Variants in DCDC1 observed in about 807,000 individuals in gnomAD.
The protein encoded by DCDC1 is doublecortin domain-containing protein 1.
In DCDC1, 200 loss-of-function variants were observed where a neutral mutation model predicts 178.3. The observed-to-expected ratio is 1.12, with a 90% CI of 1.00 to 1.26. The LOEUF (loss-of-function observed/expected upper bound fraction) is 1.26, where lower values mean the gene tolerates loss of function less well. DCDC1 is among the 50% of genes most tolerant of loss of function. The probability of loss-of-function intolerance (pLI) is 0.00; values close to 1 mark genes in which losing one functional copy is unlikely to be tolerated. For missense variants in DCDC1, 1,983 were observed against 1,749.2 expected (o/e 1.13, Z -2.38); for synonymous variants, 690 against 604.8 (o/e 1.14, Z -2.07).
At chr11:31,074,255 A>T (rs956844839) in intron 18 of DCDC1, among the ~76,000 whole-genome samples, 3 of 152,132 alleles carry the variant, frequency 2.0e-5, no homozygotes, top group East Asian at 1.9e-4. Context: ...TTCACTGTAA[A>T]CTGACTTTGG....
intron 20 of DCDC1, among the ~76,000 whole-genome samples, chr11:31,015,152 T>G: frequency 6.6e-6 from 1 of 151,960 alleles, no homozygotes; most frequent in East Asian, 1.9e-4. Context: ...GTTTCACCGG[T>G]TTAGCCAGGG....
intron 9 of DCDC1, among the ~76,000 whole-genome samples, chr11:31,180,265 C>T (rs562873618): frequency 1.3e-5 from 2 of 152,170 alleles, no homozygotes; most frequent in East Asian, 3.9e-4. Flanking sequence ...TTGTATATTA[C>T]AAAATAGCTA....
intron 16 of DCDC1, among the ~76,000 whole-genome samples, chr11:31,093,193 T>C (rs1030369712): frequency 6.6e-6 from 1 of 152,210 alleles, no homozygotes; most frequent in African/African-American, 2.4e-5. Context: ...TGCTGTGATA[T>C]ATGAAATAAA....
rs554528668 is a variant in DCDC1 at position 31,262,332 on chromosome 11, C to T, written c.1054+3175G>A. 2.0e-5 allele frequency among the ~76,000 whole-genome samples: 3 copies of T among 151,910 alleles called. No individual in the cohort carries two copies. In the South Asian group the frequency reaches 6.2e-4, roughly 32 times the overall value. On this transcript the variant is annotated intron_variant, in intron 8 of 38. Coordinates refer to ENST00000684477, the MANE Select transcript of DCDC1 (RefSeq NM_001387274.1). ...TCTAAAAATAAGCAATTTGCCAATC[C>T]TGTTGGTCTTTTCAAAGGTTTACTT...
chr11:31,278,663 T>A (rs1045867221), intron 7 of DCDC1, among the ~76,000 whole-genome samples: 6 of 152,166 alleles, frequency 3.9e-5, no homozygotes, highest in African/African-American at 1.4e-4. Context: ...AAGCAGATTT[T>A]ATGTATTTTT....
intron 8 of DCDC1, among the ~76,000 whole-genome samples, chr11:31,258,803 T>C (rs1469714208): frequency 2.6e-5 from 4 of 152,070 alleles, no homozygotes; most frequent in African/African-American, 7.2e-5. Context: ...AATAATTCCA[T>C]AGACAGAAGC....
rs528526055 is a variant in DCDC1 at position 31,305,206 on chromosome 11, A to T, written c.754+409T>A. 7.9e-5 allele frequency among the ~76,000 whole-genome samples: 12 copies of T among 152,296 alleles called. No individual in the cohort carries two copies. In the South Asian group the frequency reaches 2.1e-3, roughly 26 times the overall value. On this transcript the variant is annotated intron_variant, in intron 6 of 38. Coordinates refer to ENST00000684477, the MANE Select transcript of DCDC1 (RefSeq NM_001387274.1). ...TTCATAATTATGTTGATACTATCTG[A>T]AAAAAGACCAAGAGTGTAAATGAAT... is the stretch of plus-strand genomic sequence containing the variant.
At chr11:31,004,284 C>T (rs1951723081) in intron 20 of DCDC1, among the ~76,000 whole-genome samples, 1 of 151,950 alleles carries the variant, frequency 6.6e-6, no homozygotes, top group Non-Finnish European at 1.5e-5. Flanking sequence ...AATTTATGTT[C>T]AATGTATAGG....
At chr11:31,217,642 TG>T (rs1194901594) in intron 9 of DCDC1, among the ~76,000 whole-genome samples, 1 of 152,184 alleles carries the variant, frequency 6.6e-6, no homozygotes, top group Non-Finnish European at 1.5e-5. Context: ...GAAACTATTC[TG>T]TTTCAGGCAA....
Position 30,906,624 on chromosome 11 carries a change from T to C in DCDC1, c.4020A>G (p.Pro1340=), listed in dbSNP as rs1360914468. The change falls in exon 30 of 39, where the codon CCA becomes CCG. Residue 1340 remains proline (P), a synonymous_variant. Transcript: ENST00000684477. ...CTGAAATACAGAGGAATGGAACCCC[T>C]GGAAGCAATTGTTTCAGTCCTTTCT... is the stretch of plus-strand genomic sequence containing the variant. ...RTEKGLKQLL[P]GVPFLCISGT... The C allele has an allele frequency of 1.9e-6, 3 of 1,613,580 alleles. No individual in the cohort carries two copies. The highest frequency in any genetic ancestry group is 2.5e-6 in the Non-Finnish European group (3 of 1,179,714).
intron 6 of DCDC1, among the ~76,000 whole-genome samples, chr11:31,296,194 G>A (rs1367953147): frequency 1.3e-5 from 2 of 152,158 alleles, no homozygotes; most frequent in Non-Finnish European, 2.9e-5. Context: ...CAAGGAATAT[G>A]AAAAAAGACA....
chr11:30,962,063 A>T (rs1340737687), intron 20 of DCDC1, among the ~76,000 whole-genome samples: 1 of 152,116 alleles, frequency 6.6e-6, no homozygotes, highest in African/African-American at 2.4e-5. Context: ...TTTATTTTGC[A>T]ACTGACAATG....
At chr11:31,054,522 G>C (rs756929741) in intron 20 of DCDC1, among the ~76,000 whole-genome samples, 1 of 152,042 alleles carries the variant, frequency 6.6e-6, no homozygotes, top group Admixed American at 6.6e-5. Flanking sequence ...AAAAGAGCCC[G>C]TATAGCCAAA....
chr11:31,247,102 G>A (rs1000769999), intron 8 of DCDC1, among the ~76,000 whole-genome samples: 1 of 152,050 alleles, frequency 6.6e-6, no homozygotes, highest in Non-Finnish European at 1.5e-5. Flanking sequence ...ATTGCAGGAA[G>A]AATTTCATAG....
intron 21 of DCDC1, among the ~76,000 whole-genome samples, chr11:30,933,733 G>A (rs760765676): frequency 9.9e-5 from 15 of 152,264 alleles, no homozygotes; most frequent in African/African-American, 2.4e-4. Flanking sequence ...AAGAATGGAC[G>A]TAGAGGCACA....
At chr11:30,888,110 GAAAGAA>G (rs1565029917) in intron 36 of DCDC1, among the ~76,000 whole-genome samples, 4 of 105,862 alleles carry the variant, frequency 3.8e-5, no homozygotes, top group African/African-American at 1.1e-4. Flanking sequence ...AAGAAAGAAA[GAAAGAA>G]AGAAAGAAAG....
intron 20 of DCDC1, among the ~76,000 whole-genome samples, chr11:31,049,371 T>C (rs995804101): frequency 6.6e-6 from 1 of 152,188 alleles, no homozygotes; most frequent in Non-Finnish European, 1.5e-5. Context: ...GAGCTTTTTG[T>C]ATACATTTTT....
intron 2 of DCDC1, among the ~76,000 whole-genome samples, chr11:31,333,834 G>A (rs148140625): frequency 6.6e-6 from 1 of 152,180 alleles, no homozygotes; most frequent in African/African-American, 2.4e-5. Flanking sequence ...TTCAACCTTA[G>A]TGAATCTGAC....
intron 1 of DCDC1, among the ~76,000 whole-genome samples, chr11:31,342,072 GACAA>G (rs1433890350): frequency 1.3e-5 from 2 of 152,150 alleles, no homozygotes; most frequent in Non-Finnish European, 2.9e-5. Context: ...AGCACCAACA[GACAA>G]ACTAACTGAC....
Sources: gnomAD v4.1 joint callset for allele counts (sites outside exome capture counted in the v4.1 genomes callset) on GRCh38, gnomAD v4.1.1 for gene constraint, MANE v1.5 for transcripts, NCBI Gene and HGNC (gene_info 2026-07-23, HGNC 2026-07-21) for gene names.